Variants in DNAH8 observed in about 807,000 individuals in gnomAD.
DNAH8 encodes axonemal beta dynein heavy chain 8.
A neutral mutation model predicts 562.1 loss-of-function variants in DNAH8; 382 were observed. That is an observed-to-expected ratio of 0.68 (90% CI 0.63 to 0.74). DNAH8 has a LOEUF of 0.74. DNAH8 is among the 30% of genes least tolerant of loss of function. The pLI is 0.00. For synonymous variants in DNAH8, 1,881 were observed against 1,919.4 expected, an observed-to-expected ratio of 0.98 and a Z score of 0.52; for missense variants, 5,203 against 5,620.4, an observed-to-expected ratio of 0.93 and a Z score of 2.37.
chr6:38,751,053 G>C lies in DNAH8; in HGVS notation c.1407+464G>C, dbSNP rs573800341. ...GAACTGAGTGGCTTAAAAACAATGAGCATTCATCATGTCAGAGTTTCTGTG... is the reference window on the plus strand; with the variant it reads ...GAACTGAGTGGCTTAAAAACAATGACCATTCATCATGTCAGAGTTTCTGTG... On this transcript the variant is annotated intron_variant, in intron 9 of 92. Transcript: ENST00000327475. 3.3e-5 allele frequency among the ~76,000 whole-genome samples: 5 copies of C among 152,274 alleles called. No individual in the cohort carries two copies. In the East Asian group the frequency reaches 9.6e-4, roughly 29 times the overall value.
chr6:38,752,138 T>A (rs1369707963), intron 9 of DNAH8, among the ~76,000 whole-genome samples: 5 of 151,320 alleles, frequency 3.3e-5, no homozygotes, highest in Admixed American at 1.3e-4. Flanking sequence ...ATTCTCTAAG[T>A]TGAAATGCTT....
At chr6:38,995,828 G>A (rs984781311) in intron 88 of DNAH8, among the ~76,000 whole-genome samples, 7 of 152,116 alleles carry the variant, frequency 4.6e-5, no homozygotes, top group Admixed American at 1.3e-4. Flanking sequence ...AGCCACTCTC[G>A]TGCCTCTCCT....
At chr6:38,780,872 C>A (rs947812919) in intron 15 of DNAH8, among the ~76,000 whole-genome samples, 6 of 151,996 alleles carry the variant, frequency 3.9e-5, no homozygotes, top group African/African-American at 1.4e-4. Context: ...TCATATTGCC[C>A]CCGTTTTCTG....
chr6:38,715,945 TATATATATA>T (rs1562520836), intron 1 of DNAH8, among the ~76,000 whole-genome samples: 794 of 20,698 alleles, frequency 0.038, 33 homozygotes, highest in Non-Finnish European at 0.066. Flanking sequence ...TATATATATA[TATATATATA>T]TATATATTTT....
In DNAH8 at chr6:38,789,499, T is replaced by C. The variant is rs72849943; in HGVS notation, c.2584-304T>C. ...AGAAGATAAGGAACAAAAGAGGAAA[T>C]GTGTAATGACAGATATCACAAAAAG... On this transcript the variant is annotated intron_variant, in intron 18 of 92. Coordinates refer to ENST00000327475, the MANE Select transcript of DNAH8 (RefSeq NM_001206927.2). 0.13 allele frequency among the ~76,000 whole-genome samples: 19,375 copies of C among 152,130 alleles called. 1,477 individuals carry two copies. Among genetic ancestry groups the C allele is most frequent in the Admixed American group, 0.22 (3,371 of 15,274 alleles).
chr6:38,897,546 A>G (rs181853351), intron 60 of DNAH8, among the ~76,000 whole-genome samples: 1 of 152,218 alleles, frequency 6.6e-6, no homozygotes, highest in Non-Finnish European at 1.5e-5. Flanking sequence ...CTAAATTAAT[A>G]TATAGGTTTA....
Position 38,938,074 on chromosome 6 carries a change from G to A in DNAH8, c.11664G>A (p.Glu3888=), listed in dbSNP as rs2150592526. ...SEKLHVAAET[E]IKINAAQEEF... is the part of the protein sequence containing the mutation. ...AGTTGCATGTGGCTGCAGAAACTGA[G>A]ATCAAGATCAACGCGGCTCAGGAGG... The change falls in exon 78 of 93, where the codon GAG becomes GAA. Residue 3888 remains glutamate (E), a synonymous_variant. Coordinates refer to ENST00000327475, the MANE Select transcript of DNAH8 (RefSeq NM_001206927.2). The A allele has an allele frequency of 6.2e-7, 1 of 1,614,048 alleles. No homozygotes were observed. Among genetic ancestry groups the A allele is most frequent in the East Asian group, 2.2e-5 (1 of 44,846 alleles).
At chr6:38,871,128 A>G (rs1310686281) in intron 49 of DNAH8, among the ~76,000 whole-genome samples, 2 of 152,210 alleles carry the variant, frequency 1.3e-5, no homozygotes, top group Admixed American at 6.5e-5. Flanking sequence ...TTAAATCTCT[A>G]TGAGCTTGAT....
intron 53 of DNAH8, among the ~76,000 whole-genome samples, chr6:38,880,742 T>C (rs1291849418): frequency 6.6e-6 from 1 of 152,172 alleles, no homozygotes; most frequent in Non-Finnish European, 1.5e-5. Flanking sequence ...AAAACTCCAA[T>C]GGGGTCTGGG....
rs376667759 is a variant in DNAH8, at chr6:38,896,114, G to A, written c.8829G>A (p.Ala2943=). ...AAGAAAATATTGGCTCTGATGCAGC[G>A]TCGTGTATTCTTCCTGAACCATACT... The part of the protein sequence containing the change: ...AVEENIGSDA[A]SCILPEPYFV... Residue 2943 remains alanine (A), a synonymous_variant, in exon 60 of 93, where the codon GCG becomes GCA. Transcript: ENST00000327475. The A allele has an allele frequency of 6.8e-6, 11 of 1,614,042 alleles. No individual in the cohort carries two copies. The highest frequency in any genetic ancestry group is 3.3e-5 in the South Asian group (3 of 91,078).
At chr6:38,827,470 A>G (rs1773434219) in intron 29 of DNAH8, among the ~76,000 whole-genome samples, 1 of 152,154 alleles carries the variant, frequency 6.6e-6, no homozygotes. Flanking sequence ...TCTATAAACA[A>G]TGCACTGCCT....
rs749482996 is a variant in DNAH8, at chr6:38,938,112, C to T, written c.11702C>T (p.Ala3901Val). Residue 3901 changes from alanine (A) to valine (V), a missense_variant, in exon 78 of 93, where the codon GCA becomes GTA. By Grantham distance (64) the Ala-to-Val change is moderately conservative. Around this residue, in one of 6 missense-constraint regions of DNAH8, gnomAD observed 1,399 missense variants for 1,518.4 expected, o/e 0.92. Coordinates refer to ENST00000327475, the MANE Select transcript of DNAH8 (RefSeq NM_001206927.2). ...INAAQEEFRP[A>V]ATRGSILYFL... Reference sequence around the variant, plus strand: ...GCGGCTCAGGAGGAGTTCCGGCCCGCAGCCACCCGCGGAAGCATCCTCTAC... The same window carrying T: ...GCGGCTCAGGAGGAGTTCCGGCCCGTAGCCACCCGCGGAAGCATCCTCTAC... 8 of 1,613,928 alleles carry T rather than the reference C, an allele frequency of 5.0e-6. No homozygotes were observed. Among genetic ancestry groups the T allele is most frequent in the East Asian group, 2.2e-5 (1 of 44,866 alleles).
At chr6:38,752,730 A>G (rs1457763042) in intron 9 of DNAH8, among the ~76,000 whole-genome samples, 1 of 152,078 alleles carries the variant, frequency 6.6e-6, no homozygotes, top group Non-Finnish European at 1.5e-5. Context: ...GAAGTTTAAT[A>G]TGAAAGGGGA....
At chr6:38,795,639 C>G (rs1032082212) in intron 21 of DNAH8, among the ~76,000 whole-genome samples, 1 of 151,662 alleles carries the variant, frequency 6.6e-6, no homozygotes, top group African/African-American at 2.4e-5. Context: ...GAAGAGCATG[C>G]TTGTCAAGCA....
chr6:38,991,878 G>A (rs563268333), intron 88 of DNAH8, among the ~76,000 whole-genome samples: 1 of 152,096 alleles, frequency 6.6e-6, no homozygotes, highest in African/African-American at 2.4e-5. Context: ...GCTATTTAAA[G>A]ATTGCAACCC....
intron 82 of DNAH8, among the ~76,000 whole-genome samples, chr6:38,958,486 G>T (rs752830490): frequency 1.1e-3 from 158 of 148,032 alleles, no homozygotes; most frequent in Non-Finnish European, 2.1e-3. Context: ...GATCATTAAA[G>T]ATTGTTATGA....
At chr6:38,898,467 A>G in intron 61 of DNAH8, 87 bp downstream of exon 61, 2 of 1,158,454 alleles carry the variant, frequency 1.7e-6, no homozygotes, top group Non-Finnish European at 2.3e-6. Flanking sequence ...GAGAATAACT[A>G]TATACTATCA....
chr6:38,716,732 G>C (rs754444779), intron 1 of DNAH8: 3 of 152,160 alleles, frequency 2.0e-5, no homozygotes, highest in Non-Finnish European at 4.4e-5. Context: ...TGCAGAAGAC[G>C]TTCAATATTG....
intron 46 of DNAH8, 45 bp downstream of exon 46, chr6:38,866,722 C>T (rs996371861): frequency 1.6e-5 from 25 of 1,598,266 alleles, no homozygotes; most frequent in Non-Finnish European, 8.6e-7. Context: ...ATGTTCTTTA[C>T]TTGTTTTTCA....
Sources: allele counts gnomAD v4.1 joint callset (sites outside exome capture counted in the v4.1 genomes callset), GRCh38; gene constraint gnomAD v4.1.1; regional missense constraint gnomAD v4.1.1; transcripts MANE v1.5; gene names NCBI Gene and HGNC (gene_info 2026-07-23, HGNC 2026-07-21).